The following PCSK4 variants were observed in gnomAD, a reference collection of about 807,000 sequenced individuals.
The protein encoded by PCSK4 is proprotein convertase subtilisin/kexin type 4, also known as testicular tissue protein Li 135.
In PCSK4, 64 loss-of-function variants were observed where a neutral mutation model predicts 80.3. The ratio of observed to expected loss-of-function variants is 0.80; its 90% CI spans 0.65 to 0.98. The LOEUF is 0.98. PCSK4 is among the 50% of genes least tolerant of loss of function. The pLI, the probability that PCSK4 is intolerant of heterozygous loss-of-function variation, is 0.00. For missense variants in PCSK4, 1,213 were observed against 1,093.6 expected (o/e 1.11, Z -1.54); for synonymous variants, 561 against 487.6 (o/e 1.15, Z -1.98).
intron 3 of PCSK4, 33 bp from the exon 4 acceptor site, chr19:1,488,125 G>C (rs1220230984): frequency 6.2e-7 from 1 of 1,612,652 alleles, no homozygotes; most frequent in Non-Finnish European, 8.5e-7. Context: ...GACCCTGTGA[G>C]GGCCTGGAGT....
chr19:1,483,010 C>T (rs764325321), exon 13 of PCSK4: 9 of 1,088,230 alleles, frequency 8.3e-6, no homozygotes, highest in East Asian at 8.3e-5. Flanking sequence ...TCAGTGCTGA[C>T]GTCCAAGGGT....
chr19:1,481,488 A>G, exon 15 of PCSK4: 1 of 372,918 alleles, frequency 2.7e-6, no homozygotes, highest in Non-Finnish European at 4.8e-6. Flanking sequence ...CGAGGCGGAC[A>G]GTGTCACGTT....
intron 8 of PCSK4, among the ~76,000 whole-genome samples, 158 bp from the exon 9 acceptor site, chr19:1,484,285 C>G (rs1328425911): frequency 3.3e-5 from 5 of 151,846 alleles, no homozygotes; most frequent in African/African-American, 1.2e-4. Flanking sequence ...GTCAGGAGTT[C>G]AAGACCAGCC....
At position 1,483,029 on chromosome 19, in the gene PCSK4, G is replaced by T. The variant is rs1227871164; in HGVS notation, c.1572-9C>A. On this transcript the variant is annotated splice_polypyrimidine_tract_variant and intron_variant, in intron 12 of 14. Coordinates refer to ENST00000300954, the Ensembl canonical transcript of PCSK4. ...TGCTGACGTCCAAGGGTCTGGGACA[G>T]AAGGGTGGGTGGGGGTGGGGGTGTC... The T allele has an allele frequency of 6.7e-6, 4 of 599,764 alleles. No homozygotes were observed. Among genetic ancestry groups the T allele is most frequent in the Middle Eastern group, 3.4e-4 (1 of 2,912 alleles). 37.2% of individuals were successfully genotyped at this position (599,764 alleles called of 1,614,324 possible). A position where few individuals can be genotyped will look rare whatever the true frequency, so the allele number is the denominator to read the frequency against.
In PCSK4 at chr19:1,483,457, G is replaced by GA. The variant is rs765765069; in HGVS notation, c.1397dup (p.Leu467ProfsTer65). ...TTTCCCTGATGTAGATCAGCGGCAGGATGGGGCTGAGGGGGTCGAGGGGTG... is the reference window on the plus strand; with the variant it reads ...TTTCCCTGATGTAGATCAGCGGCAGGAATGGGGCTGAGGGGGTCGAGGGGTG... On this transcript the variant is annotated frameshift_variant, in exon 12 of 15. Coordinates refer to ENST00000300954, the Ensembl canonical transcript of PCSK4. LOFTEE classifies it high-confidence loss of function. The GA allele has an allele frequency of 3.1e-6, 5 of 1,589,196 alleles. No homozygotes were observed. In the African/African-American group the frequency reaches 6.7e-5, roughly 21 times the overall value.
exon 15 of PCSK4, chr19:1,482,055 T>A (rs2084320083): frequency 6.4e-7 from 1 of 1,556,576 alleles, no homozygotes; most frequent in Admixed American, 1.9e-5. Flanking sequence ...CCGCGGCAGG[T>A]GTAGCAGGAG....
chr19:1,487,843 C>T (rs777976321), exon 5 of PCSK4: 3 of 1,555,084 alleles, frequency 1.9e-6, no homozygotes, highest in Non-Finnish European at 2.6e-6. Flanking sequence ...TCATTGAAGT[C>T]ATAGCTGGCC....
upstream of PCSK4, chr19:1,490,490 G>T (rs1568229132): frequency 3.8e-6 from 2 of 524,136 alleles, no homozygotes; most frequent in African/African-American, 4.1e-5. Context: ...ACTCAGCCAG[G>T]AGGGGCGCGA....
At chr19:1,484,721 G>A (rs921989729) in intron 8 of PCSK4, among the ~76,000 whole-genome samples, 1 of 151,576 alleles carries the variant, frequency 6.6e-6, no homozygotes, top group African/African-American at 2.4e-5. Flanking sequence ...GCTGAGGCAA[G>A]ACAATCACTT....
chr19:1,490,178 C>T, exon 1 of PCSK4: 1 of 1,613,728 alleles, frequency 6.2e-7, no homozygotes, highest in South Asian at 1.1e-5. Context: ...TTGACGAAGC[C>T]GAATTTGCGT....
chr19:1,481,986 C>A (rs1448271969), exon 15 of PCSK4: 3 of 1,594,616 alleles, frequency 1.9e-6, no homozygotes, highest in Admixed American at 1.7e-5. Context: ...ATGCAGGAGC[C>A]CTGCTGCTGG....
exon 7 of PCSK4, chr19:1,487,271 G>A: frequency 6.2e-7 from 1 of 1,601,666 alleles, no homozygotes; most frequent in Non-Finnish European, 8.5e-7. Flanking sequence ...CAGCGACTGG[G>A]CCTCGATGAC....
At chr19:1,486,544 C>A (rs1034394649) in intron 8 of PCSK4, among the ~76,000 whole-genome samples, 3 of 152,022 alleles carry the variant, frequency 2.0e-5, no homozygotes, top group Non-Finnish European at 4.4e-5. Flanking sequence ...GATCCACCCG[C>A]CTCGGCCTCC....
At position 1,489,722 on chromosome 19, in the gene PCSK4, A is replaced by G. The variant is rs575770991; in HGVS notation, c.294+71T>C. 2.0e-5 allele frequency: 31 copies of G among 1,544,200 alleles called. No homozygotes were observed. In the African/African-American group the frequency reaches 4.1e-4, roughly 21 times the overall value. ...TGTTCATAACAACCACGAGAACCAC[A>G]GAAGATGGCTGGTGGCCCCAGGAGG... On this transcript the variant is annotated intron_variant, in intron 2 of 14. Transcript: ENST00000300954.
At chr19:1,487,542 C>T (rs536836235) in intron 6 of PCSK4, 61 bp downstream of exon 6, 62 of 1,424,572 alleles carry the variant, frequency 4.4e-5, no homozygotes, top group African/African-American at 1.4e-4. Flanking sequence ...CCCAGCTCCC[C>T]GCCAGAGTCA....
At chr19:1,487,391 C>G in intron 6 of PCSK4, 78 bp from the exon 7 acceptor site, 1 of 1,224,056 alleles carries the variant, frequency 8.2e-7, no homozygotes, top group Non-Finnish European at 1.1e-6. Context: ...CGCCACTCCA[C>G]ACCACTCCCC....
At position 1,487,589 on chromosome 19, in the gene PCSK4, G is replaced by A. The variant is rs1328868634; in HGVS notation, c.682+14C>T. 2 of 1,546,532 alleles carry A rather than the reference G, an allele frequency of 1.3e-6. No homozygotes were observed. Among genetic ancestry groups the A allele is most frequent in the African/African-American group, 1.4e-5 (1 of 73,138 alleles). On this transcript the variant is annotated intron_variant, in intron 6 of 14. Coordinates refer to ENST00000300954, the Ensembl canonical transcript of PCSK4. ...CTCTGTCCCGGAATGGTGCCGCTGG[G>A]GGACCCCGGGTACCTCCGATTCGGG... is the stretch of plus-strand genomic sequence containing the variant.
At position 1,483,278 on chromosome 19, in the gene PCSK4, G is replaced by T; in HGVS notation, c.1571+6C>A. On this transcript the variant is annotated splice_donor_region_variant and intron_variant, in intron 12 of 14. Transcript: ENST00000300954. ...GGCCGCCCCCTCTCCTCTGCGGGCC[G>T]CTCACCGTATGGCCACGAGTGTGGA... 6.4e-7 allele frequency: 1 copy of T among 1,572,412 alleles called. No homozygotes were observed.
chr19:1,489,560 G>C, intron 2 of PCSK4: 1 of 644,682 alleles, frequency 1.6e-6, no homozygotes, highest in Non-Finnish European at 2.5e-6. Context: ...CCCAGAGGAG[G>C]GAGGGGGAGG....
Sources: allele counts gnomAD v4.1 joint callset (sites outside exome capture counted in the v4.1 genomes callset), GRCh38; gene constraint gnomAD v4.1.1; transcripts MANE v1.5; gene names NCBI Gene and HGNC (gene_info 2026-07-23, HGNC 2026-07-21).